Variants in MIPOL1 observed in about 807,000 individuals in gnomAD.
MIPOL1 encodes the protein mirror-image polydactyly gene 1 protein.
In MIPOL1, 57 loss-of-function variants were observed where a neutral mutation model predicts 60.9. That is an observed-to-expected ratio of 0.94 (90% CI 0.76 to 1.17). MIPOL1 has a LOEUF of 1.17. Ranked by LOEUF, MIPOL1 falls within the 50% of genes most tolerant of loss-of-function variation. MIPOL1 has a pLI of 0.00. For synonymous variants in MIPOL1, 179 were observed against 168.8 expected, an observed-to-expected ratio of 1.06 and a Z score of -0.47; for missense variants, 551 against 511.6, an observed-to-expected ratio of 1.08 and a Z score of -0.74.
At chr14:37,260,366 T>C (rs982092856) in intron 3 of MIPOL1, among the ~76,000 whole-genome samples, 1 of 152,072 alleles carries the variant, frequency 6.6e-6, no homozygotes, top group African/African-American at 2.4e-5. Context: ...GATGAGTATA[T>C]TAGGGAGCTT....
intron 11 of MIPOL1, among the ~76,000 whole-genome samples, chr14:37,469,397 A>G (rs2094646788): frequency 6.6e-6 from 1 of 152,118 alleles, no homozygotes; most frequent in Non-Finnish European, 1.5e-5. Flanking sequence ...CAAGAACAGC[A>G]CCAAGGAGTG....
intron 7 of MIPOL1, among the ~76,000 whole-genome samples, chr14:37,295,417 T>C (rs1031634763): frequency 3.9e-5 from 6 of 152,158 alleles, no homozygotes; most frequent in African/African-American, 1.4e-4. Flanking sequence ...AATAACCAGC[T>C]AACATCATAA....
intron 7 of MIPOL1, among the ~76,000 whole-genome samples, chr14:37,299,216 A>T (rs1567351935): frequency 6.7e-6 from 1 of 149,914 alleles, no homozygotes; most frequent in Non-Finnish European, 1.5e-5. Flanking sequence ...CAAACACCTC[A>T]TGTTCTCACT....
chr14:37,517,460 A>G (rs1220337082), intron 12 of MIPOL1, among the ~76,000 whole-genome samples: 2 of 152,154 alleles, frequency 1.3e-5, no homozygotes, highest in Admixed American at 6.5e-5. Context: ...AGAACGTGAA[A>G]TGGTAAAACC....
Position 37,509,145 on chromosome 14 carries a change from A to G in MIPOL1, c.1262+9007A>G, listed in dbSNP as rs117101162. Among the ~76,000 whole-genome samples the G allele has an allele frequency of 3.1e-3, 478 of 152,042 alleles. 17 individuals carry two copies. The East Asian group carries it at 0.074, about 24-fold the overall frequency. On this transcript the variant is annotated intron_variant, in intron 12 of 12. Coordinates refer to ENST00000684589, the MANE Select transcript of MIPOL1 (RefSeq NM_001388067.1). ...AGCTTCAACTACTACTTATTAGCCA[A>G]ATAACTTCCAAATACTTATCTTAGT... is the stretch of plus-strand genomic sequence containing the variant.
intron 3 of MIPOL1, among the ~76,000 whole-genome samples, chr14:37,249,073 G>A (rs1973671908): frequency 6.6e-6 from 1 of 152,004 alleles, no homozygotes; most frequent in Non-Finnish European, 1.5e-5. Context: ...AAGGGAGGGG[G>A]CAAGAGATAT....
At chr14:37,521,158 A>C (rs2095410710) in intron 12 of MIPOL1, among the ~76,000 whole-genome samples, 1 of 151,800 alleles carries the variant, frequency 6.6e-6, no homozygotes, top group African/African-American at 2.4e-5. Flanking sequence ...GCTGGTCTTG[A>C]ACTCCTGACC....
chr14:37,481,003 T>C (rs948678621), intron 11 of MIPOL1, among the ~76,000 whole-genome samples: 1 of 152,122 alleles, frequency 6.6e-6, no homozygotes, highest in Non-Finnish European at 1.5e-5. Flanking sequence ...TAGCCAGGCA[T>C]GTTGGCACAT....
intron 3 of MIPOL1, among the ~76,000 whole-genome samples, chr14:37,265,942 A>G (rs944174296): frequency 5.3e-5 from 8 of 152,218 alleles, no homozygotes; most frequent in African/African-American, 1.9e-4. Context: ...ATATCCAGAA[A>G]TAGAGCCATG....
intron 12 of MIPOL1, among the ~76,000 whole-genome samples, chr14:37,519,110 A>C (rs2153629735): frequency 6.6e-6 from 1 of 152,270 alleles, no homozygotes; most frequent in Non-Finnish European, 1.5e-5. Flanking sequence ...TAATTCAAGC[A>C]AAGACCATGA....
chr14:37,354,056 T>G (rs2091614871), intron 9 of MIPOL1, among the ~76,000 whole-genome samples: 1 of 151,476 alleles, frequency 6.6e-6, no homozygotes, highest in South Asian at 2.1e-4. Context: ...TGCTATAAAT[T>G]TCCCTCTACA....
chr14:37,426,590 T>TATATATATATATACAC, intron 11 of MIPOL1, among the ~76,000 whole-genome samples: 1 of 138,532 alleles, frequency 7.2e-6, no homozygotes, highest in South Asian at 2.2e-4. Flanking sequence ...TATATATATA[T>TATATATATATATACAC]ATATACACAC....
At chr14:37,223,532 C>CA (rs1969185789) in intron 1 of MIPOL1, among the ~76,000 whole-genome samples, 1 of 151,504 alleles carries the variant, frequency 6.6e-6, no homozygotes, top group East Asian at 2.0e-4. Context: ...GATGGAGTGT[C>CA]ACTCTCATTG....
At chr14:37,517,252 T>G (rs958978452) in intron 12 of MIPOL1, among the ~76,000 whole-genome samples, 1 of 152,176 alleles carries the variant, frequency 6.6e-6, no homozygotes, top group Non-Finnish European at 1.5e-5. Context: ...TCTGTAAACA[T>G]AAGTGGTTTA....
chr14:37,325,517 T>C lies in MIPOL1; in HGVS notation c.828+16998T>C, dbSNP rs568678116. Among the ~76,000 whole-genome samples the C allele has an allele frequency of 1.7e-3, 262 of 151,996 alleles. 4 individuals carry two copies. Among genetic ancestry groups the C allele is most frequent in the Middle Eastern group, 6.8e-3 (2 of 294 alleles). On this transcript the variant is annotated intron_variant, in intron 9 of 12. Transcript: ENST00000684589. ...CTCCCTTTCTCTCCTTTTCTTTCTT[T>C]CCTTCCTTTCTTTTTTCCTTTTTCT...
At chr14:37,335,197 TC>T (rs1164081549) in intron 9 of MIPOL1, among the ~76,000 whole-genome samples, 2 of 152,084 alleles carry the variant, frequency 1.3e-5, no homozygotes, top group Non-Finnish European at 2.9e-5. Flanking sequence ...ATTATAACCA[TC>T]CCGGTGGATG....
At chr14:37,350,409 T>C (rs933131576) in intron 9 of MIPOL1, among the ~76,000 whole-genome samples, 1 of 151,752 alleles carries the variant, frequency 6.6e-6, no homozygotes. Context: ...TCTTTTTCTT[T>C]CTTTCCTATT....
At chr14:37,356,490 G>T (rs2153478691) in intron 9 of MIPOL1, among the ~76,000 whole-genome samples, 1 of 152,268 alleles carries the variant, frequency 6.6e-6, no homozygotes, top group East Asian at 1.9e-4. Flanking sequence ...GCAATGGCGG[G>T]CGCCCCTCCC....
chr14:37,307,881 G>A (rs937302732), intron 7 of MIPOL1, among the ~76,000 whole-genome samples, 175 bp from the exon 8 acceptor site: 3 of 151,980 alleles, frequency 2.0e-5, no homozygotes, highest in African/African-American at 4.8e-5. Flanking sequence ...AAGATATGGA[G>A]CATTATTGAA....
Sources: gnomAD v4.1 joint callset for allele counts (sites outside exome capture counted in the v4.1 genomes callset) on GRCh38, gnomAD v4.1.1 for gene constraint, MANE v1.5 for transcripts, NCBI Gene and HGNC (gene_info 2026-07-23, HGNC 2026-07-21) for gene names.